The following UBE2D3 variants were observed in gnomAD, a reference collection of about 807,000 sequenced individuals.
The protein encoded by UBE2D3 is ubiquitin-conjugating enzyme E2 D3.
UBE2D3 carries 2 observed loss-of-function variants against 22.8 expected under a neutral mutation model. The ratio of observed to expected loss-of-function variants is 0.09; its 90% CI spans 0.04 to 0.28. The LOEUF (loss-of-function observed/expected upper bound fraction) is 0.28, where lower values mean the gene tolerates loss of function less well. UBE2D3 is among the 10% of genes least tolerant of loss of function. The probability of loss-of-function intolerance (pLI) is 1.00; values close to 1 mark genes in which losing one functional copy is unlikely to be tolerated. For missense variants in UBE2D3, 27 were observed against 182.5 expected (o/e 0.15, Z 4.91); for synonymous variants, 56 against 60.4 (o/e 0.93, Z 0.34).
At position 102,839,566 on chromosome 4, in the gene UBE2D3, C is replaced by T. The variant is rs117852106; in HGVS notation, c.-128-12930G>A. Among the ~76,000 whole-genome samples the T allele has an allele frequency of 2.6e-5, 4 of 152,290 alleles. No individual in the cohort carries two copies. The East Asian group carries it at 7.7e-4, about 29-fold the overall frequency. The stretch of plus-strand genomic sequence containing the variant: ...ATGATTACAGTGTGAGCTACTGCAC[C>T]CGGCCTCATATGATTTTGAATAAGG... On this transcript the variant is annotated intron_variant, in intron 1 of 7. Transcript: ENST00000338145.
chr4:102,821,496 G>C (rs1190373856), intron 2 of UBE2D3, among the ~76,000 whole-genome samples: 1 of 152,056 alleles, frequency 6.6e-6, no homozygotes, highest in Non-Finnish European at 1.5e-5. Context: ...TTACTCCCTT[G>C]TATCTGTGGT....
At chr4:102,816,176 G>A (rs1402063811) in intron 2 of UBE2D3, among the ~76,000 whole-genome samples, 2 of 152,172 alleles carry the variant, frequency 1.3e-5, no homozygotes, top group Non-Finnish European at 2.9e-5. Context: ...TGTGACTGTA[G>A]TCCTGGGTCA....
intron 1 of UBE2D3, among the ~76,000 whole-genome samples, chr4:102,860,599 T>A (rs1732847299): frequency 6.6e-6 from 1 of 151,948 alleles, no homozygotes; most frequent in Non-Finnish European, 1.5e-5. Context: ...ATTCCATTCC[T>A]CTTGTTCTGT....
At chr4:102,859,057 CAACTT>C (rs1488275820) in intron 1 of UBE2D3, among the ~76,000 whole-genome samples, 3 of 151,876 alleles carry the variant, frequency 2.0e-5, no homozygotes, top group African/African-American at 7.2e-5. Context: ...TGAAGTACTT[CAACTT>C]TAGTTTCAGT....
At chr4:102,848,474 A>C (rs113433729) in intron 1 of UBE2D3, among the ~76,000 whole-genome samples, 2 of 152,154 alleles carry the variant, frequency 1.3e-5, no homozygotes, top group East Asian at 1.9e-4. Flanking sequence ...GTGAAACTCT[A>C]TCTCTACTAA....
chr4:102,812,840 CT>C (rs939414073), intron 2 of UBE2D3: 1 of 152,148 alleles, frequency 6.6e-6, no homozygotes, highest in Non-Finnish European at 1.5e-5. Context: ...TTGCTCTAAG[CT>C]TTTAAGACAC....
rs1324037700 is a variant in UBE2D3 at position 102,796,423 on chromosome 4, AAC to A, written c.*990_*991del. The stretch of plus-strand genomic sequence containing the variant: ...CAGGTCAAGCAATGTGTCAACCTGT[AAC>A]AGACTGTGCACTTTAACTGAACATG... On this transcript the variant is annotated 3_prime_UTR_variant, in exon 8 of 8. Transcript: ENST00000453744. The A allele has an allele frequency of 6.6e-6, 1 of 152,432 alleles. No homozygotes were observed. The highest frequency in any genetic ancestry group is 1.5e-5 in the Non-Finnish European group (1 of 67,892). The allele number at this position is 152,432 out of a possible 1,614,324, so 9.4% of individuals were successfully genotyped here.
At chr4:102,807,319 T>C (rs1560850767) in intron 4 of UBE2D3, among the ~76,000 whole-genome samples, 2 of 152,178 alleles carry the variant, frequency 1.3e-5, no homozygotes, top group Non-Finnish European at 2.9e-5. Flanking sequence ...AAGAACAAAA[T>C]GAGTTGTTTC....
intron 4 of UBE2D3, among the ~76,000 whole-genome samples, chr4:102,808,712 T>G (rs1727465570): frequency 6.6e-6 from 1 of 152,200 alleles, no homozygotes; most frequent in Non-Finnish European, 1.5e-5. Context: ...CCCTATAAGA[T>G]CGACAGGGAT....
intron 2 of UBE2D3, among the ~76,000 whole-genome samples, chr4:102,818,920 C>T (rs1729148179): frequency 6.6e-6 from 1 of 152,126 alleles, no homozygotes; most frequent in Non-Finnish European, 1.5e-5. Flanking sequence ...TCTCTATCTT[C>T]CTCATTCAAT....
intron 2 of UBE2D3, chr4:102,825,842 C>T: frequency 2.2e-6 from 1 of 450,400 alleles, no homozygotes. Flanking sequence ...TAAATAGCTT[C>T]GGGTGAAAAG....
chr4:102,856,961 C>T (rs1014176059), intron 1 of UBE2D3, among the ~76,000 whole-genome samples: 1 of 152,060 alleles, frequency 6.6e-6, no homozygotes, highest in Non-Finnish European at 1.5e-5. Context: ...ATTATGTATG[C>T]TACTATTATG....
intron 1 of UBE2D3, among the ~76,000 whole-genome samples, chr4:102,849,827 A>T (rs954140546): frequency 6.6e-6 from 1 of 152,212 alleles, no homozygotes; most frequent in African/African-American, 2.4e-5. Context: ...ACTGTTGTGG[A>T]GCAGTGACAG....
At chr4:102,807,784 C>G (rs1727299039) in intron 4 of UBE2D3, among the ~76,000 whole-genome samples, 1 of 152,154 alleles carries the variant, frequency 6.6e-6, no homozygotes, top group African/African-American at 2.4e-5. Flanking sequence ...AAAAAAATTA[C>G]TACCATACAC....
At chr4:102,831,219 A>G (rs1031450696), upstream of UBE2D3, among the ~76,000 whole-genome samples, 1 of 152,204 alleles carries the variant, frequency 6.6e-6, no homozygotes, top group African/African-American at 2.4e-5. Flanking sequence ...GGACCAAGTA[A>G]TTTGGAGCCC....
intron 7 of UBE2D3, among the ~76,000 whole-genome samples, chr4:102,799,180 C>T (rs575804120): frequency 6.0e-4 from 91 of 151,260 alleles, no homozygotes; most frequent in Non-Finnish European, 1.1e-3. Flanking sequence ...CTGTTTAACA[C>T]GCTAGGAAAA....
intron 2 of UBE2D3, chr4:102,810,194 G>C (rs1430412868): frequency 5.1e-6 from 1 of 196,196 alleles, no homozygotes; most frequent in Non-Finnish European, 1.0e-5. Flanking sequence ...GTTATTTGTT[G>C]AACTTCCAAG....
chr4:102,799,186 GAAA>G (rs796245263), intron 7 of UBE2D3, among the ~76,000 whole-genome samples: 1 of 145,938 alleles, frequency 6.9e-6, no homozygotes. Flanking sequence ...AACACGCTAG[GAAA>G]AAAAAAACAA....
chr4:102,815,169 G>A (rs775111704), intron 2 of UBE2D3, among the ~76,000 whole-genome samples: 4 of 151,786 alleles, frequency 2.6e-5, no homozygotes, highest in African/African-American at 7.3e-5. Context: ...TCAGCCTTCC[G>A]AGTAACTGGA....
Sources: gnomAD v4.1 joint callset for allele counts (sites outside exome capture counted in the v4.1 genomes callset) on GRCh38, gnomAD v4.1.1 for gene constraint, MANE v1.5 for transcripts, NCBI Gene and HGNC (gene_info 2026-07-23, HGNC 2026-07-21) for gene names.